Variants in SEM1 observed in about 807,000 individuals in gnomAD.
SEM1 encodes 26S proteasome complex subunit SEM1.
In SEM1, 3 loss-of-function variants were observed where a neutral mutation model predicts 12.7. The ratio of observed to expected loss-of-function variants is 0.24; its 90% CI spans 0.11 to 0.61. The LOEUF (loss-of-function observed/expected upper bound fraction) is 0.61. Ranked by LOEUF, SEM1 falls within the 20% of genes least tolerant of loss-of-function variation. The pLI, the probability that SEM1 is intolerant of heterozygous loss-of-function variation, is 0.88. For missense variants in SEM1, 59 were observed against 81.3 expected (o/e 0.73, Z 1.06); for synonymous variants, 30 against 27.8 (o/e 1.08, Z -0.25).
intron 2 of SEM1, among the ~76,000 whole-genome samples, chr7:96,680,619 T>C (rs1046067654): frequency 2.0e-5 from 3 of 152,102 alleles, no homozygotes; most frequent in Non-Finnish European, 4.4e-5. Context: ...TCACCTAGTC[T>C]AAGAAAGTCG....
At chr7:96,491,178 G>T (rs1802991622) in intron 1 of SEM1, among the ~76,000 whole-genome samples, 1 of 152,094 alleles carries the variant, frequency 6.6e-6, no homozygotes, top group Non-Finnish European at 1.5e-5. Flanking sequence ...GTGGATTCTG[G>T]CTTTGACATC....
At chr7:96,486,682 G>T (rs1418901164) in intron 1 of SEM1, among the ~76,000 whole-genome samples, 1 of 152,084 alleles carries the variant, frequency 6.6e-6, no homozygotes, top group Non-Finnish European at 1.5e-5. Flanking sequence ...ACTTATTCTT[G>T]CCTCCAACAC....
intron 2 of SEM1, among the ~76,000 whole-genome samples, chr7:96,520,049 A>G (rs1804223161): frequency 6.6e-6 from 1 of 152,096 alleles, no homozygotes; most frequent in African/African-American, 2.4e-5. Context: ...ATTTTGATGG[A>G]TTGCAAGAAG....
At chr7:96,531,306 C>T (rs959258123) in intron 2 of SEM1, among the ~76,000 whole-genome samples, 5 of 151,702 alleles carry the variant, frequency 3.3e-5, no homozygotes, top group Admixed American at 6.6e-5. Context: ...CAGTGGCTCA[C>T]GCCTGTAATC....
chr7:96,546,006 C>T (rs1403293477), intron 2 of SEM1, among the ~76,000 whole-genome samples: 1 of 152,048 alleles, frequency 6.6e-6, no homozygotes, highest in Non-Finnish European at 1.5e-5. Context: ...TATTTGTACC[C>T]CATCCTTTGA....
At chr7:96,500,640 T>A (rs779531018), upstream of SEM1, among the ~76,000 whole-genome samples, 1 of 152,164 alleles carries the variant, frequency 6.6e-6, no homozygotes, top group Non-Finnish European at 1.5e-5. Context: ...TCAGCTTTAA[T>A]GCATGAAGGG....
chr7:96,685,552 C>T (rs767060823), downstream of SEM1, among the ~76,000 whole-genome samples: 11 of 152,136 alleles, frequency 7.2e-5, no homozygotes, highest in East Asian at 1.9e-4. Flanking sequence ...CCATTGAAGA[C>T]GTTTTTTGTT....
chr7:96,515,634 C>T (rs1292711696), intron 2 of SEM1, among the ~76,000 whole-genome samples: 2 of 152,124 alleles, frequency 1.3e-5, no homozygotes, highest in Non-Finnish European at 2.9e-5. Context: ...CCTAAATGTC[C>T]ATCAATGATA....
intron 2 of SEM1, among the ~76,000 whole-genome samples, chr7:96,512,223 G>A (rs960193024): frequency 5.9e-5 from 9 of 152,048 alleles, no homozygotes; most frequent in African/African-American, 1.9e-4. Flanking sequence ...TGAGAATAGA[G>A]TAGGGAGAGC....
intron 2 of SEM1, among the ~76,000 whole-genome samples, chr7:96,583,334 A>C (rs1806485938): frequency 7.0e-6 from 1 of 142,994 alleles, no homozygotes; most frequent in South Asian, 2.5e-4. Context: ...GTGGTCTGAG[A>C]GATAGTTTGT....
chr7:96,629,449 AG>A (rs1262899321), intron 2 of SEM1, among the ~76,000 whole-genome samples: 2 of 151,928 alleles, frequency 1.3e-5, no homozygotes, highest in African/African-American at 4.8e-5. Flanking sequence ...TGAATTCTTC[AG>A]TATGCCAAAT....
At chr7:96,502,557 G>A (rs1419897330) in intron 3 of SEM1, among the ~76,000 whole-genome samples, 1 of 152,042 alleles carries the variant, frequency 6.6e-6, no homozygotes, top group Non-Finnish European at 1.5e-5. Flanking sequence ...ACTAACTTGT[G>A]AGAATTAACA....
At chr7:96,656,185 C>T (rs2116485660) in intron 2 of SEM1, among the ~76,000 whole-genome samples, 1 of 152,314 alleles carries the variant, frequency 6.6e-6, no homozygotes, top group East Asian at 1.9e-4. Flanking sequence ...TTGGTGACAG[C>T]ATCTGCTGTA....
intron 2 of SEM1, among the ~76,000 whole-genome samples, chr7:96,553,628 T>A (rs1381775994): frequency 6.6e-6 from 1 of 152,236 alleles, no homozygotes; most frequent in African/African-American, 2.4e-5. Flanking sequence ...TCGGGTAGTG[T>A]GATGCCTCCA....
intron 1 of SEM1, chr7:96,696,968 A>T (rs1790116383): frequency 2.0e-5 from 3 of 151,970 alleles, no homozygotes; most frequent in Non-Finnish European, 4.4e-5. Flanking sequence ...AATAGTTTTG[A>T]AAAGGACAAA....
intron 2 of SEM1, among the ~76,000 whole-genome samples, chr7:96,571,844 G>C (rs938396523): frequency 1.3e-5 from 2 of 151,942 alleles, no homozygotes; most frequent in African/African-American, 4.8e-5. Flanking sequence ...TTTTTCTATT[G>C]TTGGGAATAG....
intron 1 of SEM1, among the ~76,000 whole-genome samples, chr7:96,488,303 G>A (rs1802853422): frequency 6.6e-6 from 1 of 152,108 alleles, no homozygotes; most frequent in South Asian, 2.1e-4. Flanking sequence ...GGACTTCAAA[G>A]ACAAACTTAG....
chr7:96,493,769 T>C (rs1029902521), intron 1 of SEM1, among the ~76,000 whole-genome samples: 2 of 152,200 alleles, frequency 1.3e-5, no homozygotes, highest in Admixed American at 1.3e-4. Context: ...TCTTCTCTAC[T>C]CCAAGGGCTC....
intron 2 of SEM1, among the ~76,000 whole-genome samples, chr7:96,626,937 G>A (rs575727762): frequency 6.6e-6 from 1 of 152,066 alleles, no homozygotes; most frequent in Admixed American, 6.5e-5. Flanking sequence ...TACTGACAGA[G>A]TTTTTATTAC....
Sources: gnomAD v4.1 joint callset for allele counts (sites outside exome capture counted in the v4.1 genomes callset) on GRCh38, gnomAD v4.1.1 for gene constraint, MANE v1.5 for transcripts, NCBI Gene and HGNC (gene_info 2026-07-23, HGNC 2026-07-21) for gene names.